Variants in LPA observed in about 807,000 individuals in gnomAD.
The protein encoded by LPA is lipoprotein(a), also known as apolipoprotein(a).
In LPA, 199 loss-of-function variants were observed where a neutral mutation model predicts 197.9. The observed-to-expected ratio is 1.01, with a 90% CI of 0.90 to 1.13. LPA has a LOEUF of 1.13. LPA is among the 50% of genes most tolerant of loss of function. The pLI is 0.00. For missense variants in LPA, 1,853 were observed against 1,785.8 expected (o/e 1.04, Z -0.68); for synonymous variants, 715 against 639.5 (o/e 1.12, Z -1.78).
At chr6:160,582,063 A>G (rs1230855499) in intron 26 of LPA, among the ~76,000 whole-genome samples, 1 of 151,860 alleles carries the variant, frequency 6.6e-6, no homozygotes, top group African/African-American at 2.4e-5. Flanking sequence ...ACATTCTTTT[A>G]TTTGTTCTTT....
chr6:160,533,499 G>A (rs77202442), intron 37 of LPA, among the ~76,000 whole-genome samples: 400 of 152,220 alleles, frequency 2.6e-3, no homozygotes, highest in African/African-American at 8.9e-3. Flanking sequence ...CTCCCCATGC[G>A]TGTTGGCCCC....
chr6:160,648,202 C>G (rs1779938279), intron 2 of LPA, among the ~76,000 whole-genome samples: 1 of 152,168 alleles, frequency 6.6e-6, no homozygotes, highest in Non-Finnish European at 1.5e-5. Context: ...ACACATTAGT[C>G]ACTTGTATCA....
At chr6:160,600,139 G>C (rs1779210873) in intron 19 of LPA, among the ~76,000 whole-genome samples, 1 of 152,166 alleles carries the variant, frequency 6.6e-6, no homozygotes, top group African/African-American at 2.4e-5. Flanking sequence ...TCCTGGTGAT[G>C]GGGCAGACAA....
intron 30 of LPA, among the ~76,000 whole-genome samples, chr6:160,553,750 T>C (rs2115008396): frequency 6.6e-6 from 1 of 152,352 alleles, no homozygotes; most frequent in Admixed American, 6.5e-5. Context: ...TATCATTTTC[T>C]TCATACGTGT....
At chr6:160,541,297 C>A in intron 34 of LPA, 116 bp from the exon 35 acceptor site, 1 of 785,560 alleles carries the variant, frequency 1.3e-6, no homozygotes, top group Non-Finnish European at 2.2e-6. Context: ...ATTCCCAAAG[C>A]AAAGGACTAC....
At chr6:160,647,098 T>C (rs1562351347) in intron 2 of LPA, among the ~76,000 whole-genome samples, 1 of 152,188 alleles carries the variant, frequency 6.6e-6, no homozygotes. Flanking sequence ...CTAGAATGGG[T>C]TCCTGGGCAG....
rs765875612 is a variant in LPA, at chr6:160,606,580, C to A, written c.2682G>T (p.Arg894Ser). 3.1e-6 allele frequency: 5 copies of A among 1,613,838 alleles called. No homozygotes were observed. The highest frequency in any genetic ancestry group is 4.2e-6 in the Non-Finnish European group (5 of 1,179,972). Residue 894 changes from arginine (R) to serine (S), a missense_variant, in exon 17 of 39, where the codon AGG becomes AGT. By Grantham distance (110) the Arg-to-Ser change is moderately radical. Around this residue, in one of 3 missense-constraint regions of LPA, gnomAD observed 1,737 missense variants for 1,504.4 expected, o/e 1.15. Coordinates refer to ENST00000316300, the MANE Select transcript of LPA (RefSeq NM_005577.4). ...ATTGTGTCAGGTTGCAGTACTCCCACCTGACACTGGGATCCCTCGTATAAC... is the reference window on the plus strand; with the variant it reads ...ATTGTGTCAGGTTGCAGTACTCCCAACTGACACTGGGATCCCTCGTATAAC... ...PYCYTRDPSV[R>S]WEYCNLTQCS... is the part of the protein sequence containing the mutation.
chr6:160,595,535 A>T lies in LPA; in HGVS notation c.3288T>A (p.Ala1096=), dbSNP rs1190986341. ...TCCTGCAGTAGTTCCTGGTCAGGCC[A>T]CTGCAAATTTCAAAACAACACAGGT... ...HSRTPENYPN[A]GLTRNYCRNP... Residue 1096 remains alanine, a splice_region_variant and synonymous_variant, in exon 21 of 39, where the codon GCT becomes GCA. Transcript: ENST00000316300. 6.2e-7 allele frequency: 1 copy of T among 1,614,000 alleles called. No homozygotes were observed. Among genetic ancestry groups the T allele is most frequent in the Non-Finnish European group, 8.5e-7 (1 of 1,179,914 alleles).
At chr6:160,581,557 C>T (rs983626019) in intron 26 of LPA, among the ~76,000 whole-genome samples, 1 of 152,152 alleles carries the variant, frequency 6.6e-6, no homozygotes, top group Non-Finnish European at 1.5e-5. Context: ...TCATCTTGGC[C>T]TCCCAAAGTG....
At chr6:160,606,776 A>G in intron 16 of LPA, 118 bp from the exon 17 acceptor site, 5 of 1,466,252 alleles carry the variant, frequency 3.4e-6, no homozygotes, top group Non-Finnish European at 4.8e-6. Context: ...TATTCCCATA[A>G]AAGTACCATA....
At position 160,545,458 on chromosome 6, in the gene LPA, A is replaced by G; in HGVS notation, c.5380T>C (p.Cys1794Arg). 3 of 1,608,424 alleles carry G rather than the reference A, an allele frequency of 1.9e-6. No homozygotes were observed. Among genetic ancestry groups the G allele is most frequent in the Non-Finnish European group, 2.6e-6 (3 of 1,174,984 alleles). ...AACTTACCACAGAGAGGGATATCAC[A>G]GTAGTCAAAAAGTTTTCTTGGATTC... ...TMNPRKLFDY[C>R]DIPLCASSSF... Residue 1794 changes from cysteine to arginine, a missense_variant, in exon 33 of 39, where the codon TGT becomes CGT. Physicochemically the swap from Cys to Arg is radical, Grantham distance 180. Coordinates refer to ENST00000316300, the MANE Select transcript of LPA (RefSeq NM_005577.4).
chr6:160,533,977 A>G (rs1777845277), intron 37 of LPA, among the ~76,000 whole-genome samples: 1 of 152,216 alleles, frequency 6.6e-6, no homozygotes, highest in Non-Finnish European at 1.5e-5. Flanking sequence ...TTGCAAGCCC[A>G]GCTCTCATTA....
At chr6:160,537,630 C>G (rs1777914509) in intron 37 of LPA, among the ~76,000 whole-genome samples, 1 of 152,110 alleles carries the variant, frequency 6.6e-6, no homozygotes, top group Non-Finnish European at 1.5e-5. Flanking sequence ...TTAAAAGATT[C>G]TGAAAACAAA....
chr6:160,650,477 C>G lies in LPA; in HGVS notation c.70G>C (p.Val24Leu). 1 of 1,613,718 alleles carries G rather than the reference C, an allele frequency of 6.2e-7. No homozygotes were observed. Among genetic ancestry groups the G allele is most frequent in the Non-Finnish European group, 8.5e-7 (1 of 1,179,724 alleles). Residue 24 changes from valine (V) to leucine (L), a missense_variant, in exon 2 of 39, where the codon GTG (valine) becomes CTG (leucine). Around this residue, in one of 3 missense-constraint regions of LPA, gnomAD observed 88 missense variants for 83.0 expected, o/e 1.06. Transcript: ENST00000316300. ...LKSAAPEQSH[V>L]VQDCYHGDGQ... ...TCACCATGGTAGCAATCCTGGACCA[C>G]ATGGCTTTGCTCAGGTGCTGCTAAA...
chr6:160,574,248 C>A (rs1322782829), intron 28 of LPA, among the ~76,000 whole-genome samples: 1 of 151,864 alleles, frequency 6.6e-6, no homozygotes, highest in South Asian at 2.1e-4. Flanking sequence ...TCCCACCATG[C>A]CCCCAACCCC....
rs535817079 is a variant in LPA at position 160,611,168 on chromosome 6, T to C, written c.2603+394A>G. On this transcript the variant is annotated intron_variant, in intron 16 of 38. Coordinates refer to ENST00000316300, the MANE Select transcript of LPA (RefSeq NM_005577.4). ...TAAGTAAGCACATAAACTTTCCTCA[T>C]GAGCCCAGACAGAAAAGGCAAACAC... Among the ~76,000 whole-genome samples the C allele has an allele frequency of 1.1e-4, 16 of 152,226 alleles. No individual in the cohort carries two copies. In the South Asian group the frequency reaches 3.1e-3, roughly 30 times the overall value.
At chr6:160,590,399 G>A (rs535283277) in intron 23 of LPA, among the ~76,000 whole-genome samples, 1 of 152,168 alleles carries the variant, frequency 6.6e-6, no homozygotes, top group Non-Finnish European at 1.5e-5. Flanking sequence ...AAGCCTAGGT[G>A]TGCAGCACCT....
chr6:160,587,185 T>A (rs746893555), intron 24 of LPA, among the ~76,000 whole-genome samples: 4 of 152,216 alleles, frequency 2.6e-5, no homozygotes, highest in East Asian at 1.9e-4. Flanking sequence ...AGCAATGGCA[T>A]CTCTCTCCTG....
At chr6:160,548,100 A>G (rs569785208) in intron 31 of LPA, among the ~76,000 whole-genome samples, 163 bp from the exon 32 acceptor site, 1 of 152,320 alleles carries the variant, frequency 6.6e-6, no homozygotes, top group East Asian at 1.9e-4. Flanking sequence ...TGCAATGAAC[A>G]CTATTTTAAG....
Sources: allele counts gnomAD v4.1 joint callset (sites outside exome capture counted in the v4.1 genomes callset), GRCh38; gene constraint gnomAD v4.1.1; regional missense constraint gnomAD v4.1.1; transcripts MANE v1.5; gene names NCBI Gene and HGNC (gene_info 2026-07-23, HGNC 2026-07-21).